Variants in ABLIM1 observed in about 807,000 individuals in gnomAD.
ABLIM1 encodes actin-binding LIM protein 1.
In ABLIM1, 40 loss-of-function variants were observed where a neutral mutation model predicts 107.0. That is an observed-to-expected ratio of 0.37 (90% CI 0.29 to 0.49). The LOEUF (loss-of-function observed/expected upper bound fraction) is 0.49, where lower values mean the gene tolerates loss of function less well. Ranked by LOEUF, ABLIM1 falls within the 20% of genes least tolerant of loss-of-function variation. The probability of loss-of-function intolerance (pLI) is 0.97; values close to 1 mark genes in which losing one functional copy is unlikely to be tolerated. For missense variants in ABLIM1, 857 were observed against 1,008.5 expected, an observed-to-expected ratio of 0.85 and a Z score of 2.04; for synonymous variants, 357 against 357.3, an observed-to-expected ratio of 1.00 and a Z score of 0.01.
intron 5 of ABLIM1, among the ~76,000 whole-genome samples, chr10:114,546,470 T>A (rs2067358347): frequency 6.6e-6 from 1 of 152,008 alleles, no homozygotes; most frequent in South Asian, 2.1e-4. Flanking sequence ...AGTTTTTGTA[T>A]TTTTAGTACA....
At chr10:114,658,328 A>G, upstream of ABLIM1, 1 of 1,484,668 alleles carries the variant, frequency 6.7e-7, no homozygotes, top group Non-Finnish European at 8.9e-7. Flanking sequence ...AAAGAAGATT[A>G]AGGGAGATGT....
chr10:114,767,119 G>A (rs1189221171), intron 1 of ABLIM1, among the ~76,000 whole-genome samples: 2 of 84,866 alleles, frequency 2.4e-5, no homozygotes, highest in Non-Finnish European at 4.8e-5. Flanking sequence ...GAAAAGCAGC[G>A]CTTAATTATC....
intron 6 of ABLIM1, among the ~76,000 whole-genome samples, chr10:114,514,743 A>G (rs1048353413): frequency 1.3e-5 from 2 of 152,216 alleles, no homozygotes; most frequent in Non-Finnish European, 2.9e-5. Context: ...ACCTATGAAA[A>G]GGTATTCAAA....
chr10:114,625,970 C>T (rs996553942), intron 1 of ABLIM1, among the ~76,000 whole-genome samples: 1 of 152,210 alleles, frequency 6.6e-6, no homozygotes, highest in African/African-American at 2.4e-5. Context: ...TTAATAATAA[C>T]ATTAAAATGA....
At chr10:114,741,511 C>T (rs2082288114) in intron 1 of ABLIM1, among the ~76,000 whole-genome samples, 1 of 152,004 alleles carries the variant, frequency 6.6e-6, no homozygotes, top group Non-Finnish European at 1.5e-5. Context: ...AGGCGTGAGC[C>T]ACCTCGCCTG....
At chr10:114,729,188 A>G (rs1352433131) in intron 1 of ABLIM1, among the ~76,000 whole-genome samples, 1 of 152,114 alleles carries the variant, frequency 6.6e-6, no homozygotes, top group African/African-American at 2.4e-5. Flanking sequence ...GTGAGCAAGT[A>G]GCAGAACTAA....
At chr10:114,769,614 G>A (rs905163084), upstream of ABLIM1, among the ~76,000 whole-genome samples, 1 of 152,026 alleles carries the variant, frequency 6.6e-6, no homozygotes, top group Non-Finnish European at 1.5e-5. Flanking sequence ...TTCTATGTTG[G>A]CACTGCCCAA....
At chr10:114,458,466 C>T (rs183542153) in intron 12 of ABLIM1, among the ~76,000 whole-genome samples, 3 of 152,186 alleles carry the variant, frequency 2.0e-5, no homozygotes, top group South Asian at 2.1e-4. Flanking sequence ...TGGGGGTGTG[C>T]GATTCTGCTG....
chr10:114,665,678 A>G (rs1269116238), intron 1 of ABLIM1, among the ~76,000 whole-genome samples: 1 of 152,224 alleles, frequency 6.6e-6, no homozygotes, highest in Non-Finnish European at 1.5e-5. Flanking sequence ...ATCCACAAAT[A>G]CATTTCACAC....
chr10:114,481,168 C>G (rs1333248505), intron 8 of ABLIM1, among the ~76,000 whole-genome samples: 1 of 152,066 alleles, frequency 6.6e-6, no homozygotes, highest in Non-Finnish European at 1.5e-5. Flanking sequence ...CTTACCAGAG[C>G]TCTGCCGGTT....
intron 6 of ABLIM1, among the ~76,000 whole-genome samples, chr10:114,513,951 T>G (rs1375822784): frequency 6.6e-6 from 1 of 152,172 alleles, no homozygotes; most frequent in Non-Finnish European, 1.5e-5. Flanking sequence ...AGTTTTCACA[T>G]GACACCATCA....
chr10:114,608,653 G>A (rs1425785990), intron 1 of ABLIM1, among the ~76,000 whole-genome samples: 1 of 151,330 alleles, frequency 6.6e-6, no homozygotes, highest in South Asian at 2.1e-4. Flanking sequence ...TGGGCAACAA[G>A]AGTAAAACTC....
At chr10:114,762,880 C>T (rs530075635) in intron 1 of ABLIM1, among the ~76,000 whole-genome samples, 2 of 152,324 alleles carry the variant, frequency 1.3e-5, no homozygotes, top group Admixed American at 1.3e-4. Flanking sequence ...TAATAGTCCA[C>T]ATGTATGCGC....
chr10:114,491,911 G>T lies in ABLIM1; in HGVS notation c.895-33C>A, dbSNP rs1156896569. On this transcript the variant is annotated intron_variant, in intron 6 of 22. Transcript: ENST00000533213. ...AGAAAAGGTAGGGAACGTTGAGTCTGCTCCTTGTCATGGATTCCAGAATCT... is the reference window on the plus strand; with the variant it reads ...AGAAAAGGTAGGGAACGTTGAGTCTTCTCCTTGTCATGGATTCCAGAATCT... The T allele has an allele frequency of 3.9e-6, 6 of 1,522,852 alleles. No individual in the cohort carries two copies. In the African/African-American group the frequency reaches 8.2e-5, roughly 21 times the overall value. The allele number at this position is 1,522,852 out of a possible 1,614,324, so 94.3% of individuals were successfully genotyped here. A position where few individuals can be genotyped will look rare whatever the true frequency, so the allele number is the denominator to read the frequency against.
intron 2 of ABLIM1, among the ~76,000 whole-genome samples, chr10:114,585,203 A>C (rs1329254935): frequency 6.6e-6 from 1 of 152,194 alleles, no homozygotes; most frequent in African/African-American, 2.4e-5. Context: ...CACACATTTA[A>C]ATTTTGGACT....
At chr10:114,437,038 A>G (rs1187088803) in intron 22 of ABLIM1, among the ~76,000 whole-genome samples, 7 of 152,172 alleles carry the variant, frequency 4.6e-5, no homozygotes, top group African/African-American at 2.4e-5. Flanking sequence ...GGGTACATGT[A>G]CCCAGATAAC....
intron 1 of ABLIM1, among the ~76,000 whole-genome samples, chr10:114,677,893 T>G (rs2080562140): frequency 6.6e-6 from 1 of 152,228 alleles, no homozygotes; most frequent in Non-Finnish European, 1.5e-5. Context: ...GTAACAGTAT[T>G]CCAGGCTTCA....
At chr10:114,479,564 C>T (rs376391955) in intron 8 of ABLIM1, among the ~76,000 whole-genome samples, 1 of 152,150 alleles carries the variant, frequency 6.6e-6, no homozygotes, top group Non-Finnish European at 1.5e-5. Context: ...ATGCCGATGA[C>T]GATGACCTTG....
chr10:114,627,068 A>G (rs1308617036), intron 1 of ABLIM1, among the ~76,000 whole-genome samples: 2 of 152,184 alleles, frequency 1.3e-5, no homozygotes, highest in African/African-American at 4.8e-5. Context: ...TCTGTGGTTT[A>G]AGCCGCTCAG....
Sources: allele counts gnomAD v4.1 joint callset (sites outside exome capture counted in the v4.1 genomes callset), GRCh38; gene constraint gnomAD v4.1.1; transcripts MANE v1.5; gene names NCBI Gene and HGNC (gene_info 2026-07-23, HGNC 2026-07-21).